The following TTLL11 variants were observed in gnomAD, a reference collection of about 807,000 sequenced individuals.
TTLL11 encodes tubulin tyrosine ligase like 11, also known as tubulin polyglutamylase TTLL11.
A neutral mutation model predicts 51.7 loss-of-function variants in TTLL11; 42 were observed. The ratio of observed to expected loss-of-function variants is 0.81; its 90% CI spans 0.64 to 1.05. The LOEUF (loss-of-function observed/expected upper bound fraction) is 1.05. Among genes scored for constraint, TTLL11 ranks in the 50% least tolerant of loss-of-function variants. The pLI is 0.00. For synonymous variants in TTLL11, 381 were observed against 383.5 expected (o/e 0.99, Z 0.08); for missense variants, 799 against 940.4 (o/e 0.85, Z 1.97).
chr9:122,030,776 C>CAAAAAAAAAAAAAAAAAA lies in TTLL11; in HGVS notation c.693+929_693+946dup, dbSNP rs35456581. Among the ~76,000 whole-genome samples, 45 of 69,124 alleles carry CAAAAAAAAAAAAAAAAAA rather than the reference C, an allele frequency of 6.5e-4. 1 individual carries two copies. Among genetic ancestry groups the CAAAAAAAAAAAAAAAAAA allele is most frequent in the Non-Finnish European group, 8.8e-4 (31 of 35,194 alleles). The allele number at this position is 69,124 out of a possible 152,430, so 45.3% of individuals were successfully genotyped here. A position where few individuals can be genotyped will look rare whatever the true frequency, so the allele number is the denominator to read the frequency against. Reference sequence around the variant, plus strand: ...ATCTCTACCAAAAATACAAAAAATACAAAAAAAAAAAAAAAAAAAGCCGGT... The same window carrying CAAAAAAAAAAAAAAAAAA: ...ATCTCTACCAAAAATACAAAAAATACAAAAAAAAAAAAAAAAAAAAAAAAAAAAAAAAAAAAAGCCGGT... On this transcript the variant is annotated intron_variant, in intron 3 of 8. Coordinates refer to ENST00000321582, the MANE Select transcript of TTLL11 (RefSeq NM_001139442.2).
At chr9:122,084,178 A>T (rs1846065129) in intron 1 of TTLL11, among the ~76,000 whole-genome samples, 1 of 152,096 alleles carries the variant, frequency 6.6e-6, no homozygotes, top group Non-Finnish European at 1.5e-5. Flanking sequence ...AACTTATTTG[A>T]AAAGCAAAAC....
At chr9:121,965,630 A>G (rs531504316) in intron 6 of TTLL11, among the ~76,000 whole-genome samples, 2 of 152,320 alleles carry the variant, frequency 1.3e-5, no homozygotes, top group Non-Finnish European at 2.9e-5. Flanking sequence ...CAGTGCACAC[A>G]TGAATGGGCC....
At chr9:121,882,892 G>T (rs572049150) in intron 6 of TTLL11, among the ~76,000 whole-genome samples, 29 of 152,262 alleles carry the variant, frequency 1.9e-4, no homozygotes, top group African/African-American at 6.3e-4. Flanking sequence ...ATTTAAGTTT[G>T]TGGCTTCTTT....
chr9:121,912,696 T>G (rs1168448623), intron 6 of TTLL11, among the ~76,000 whole-genome samples: 1 of 152,056 alleles, frequency 6.6e-6, no homozygotes, highest in African/African-American at 2.4e-5. Flanking sequence ...AGATCCTCAG[T>G]GGCTAGTCCA....
chr9:121,933,900 C>T (rs1841091935), intron 6 of TTLL11, among the ~76,000 whole-genome samples: 1 of 152,126 alleles, frequency 6.6e-6, no homozygotes, highest in Non-Finnish European at 1.5e-5. Context: ...AAGCTGAAAC[C>T]ATGTCAATAA....
intron 6 of TTLL11, among the ~76,000 whole-genome samples, chr9:121,878,287 G>T (rs1189497042): frequency 2.6e-5 from 4 of 152,154 alleles, no homozygotes; most frequent in African/African-American, 9.7e-5. Flanking sequence ...AATCTGCTTG[G>T]GGGGCTTGTA....
chr9:121,859,970 C>T (rs1837954303), intron 8 of TTLL11, among the ~76,000 whole-genome samples: 2 of 152,204 alleles, frequency 1.3e-5, no homozygotes, highest in Admixed American at 1.3e-4. Context: ...ATCTGCCTCC[C>T]AATGCTACAG....
At chr9:122,058,483 G>A (rs1845354583) in intron 1 of TTLL11, among the ~76,000 whole-genome samples, 1 of 152,230 alleles carries the variant, frequency 6.6e-6, no homozygotes, top group South Asian at 2.1e-4. Flanking sequence ...CACCACAGGG[G>A]AAAGGAAATA....
chr9:122,074,903 A>G (rs978543449), intron 1 of TTLL11, among the ~76,000 whole-genome samples: 1 of 151,692 alleles, frequency 6.6e-6, no homozygotes, highest in African/African-American at 2.4e-5. Flanking sequence ...AAAAAAAAAG[A>G]CCTTGTTGAT....
chr9:121,923,549 T>C (rs1320631061), intron 6 of TTLL11, among the ~76,000 whole-genome samples: 1 of 152,232 alleles, frequency 6.6e-6, no homozygotes, highest in Non-Finnish European at 1.5e-5. Context: ...TCAGTGCTTA[T>C]GAAGACAACC....
At position 121,853,483 on chromosome 9, in the gene TTLL11, G is replaced by A. The variant is rs948930452; in HGVS notation, c.1840+6854C>T. Among the ~76,000 whole-genome samples, 1 of 151,816 alleles carries A rather than the reference G, an allele frequency of 6.6e-6. No homozygotes were observed. Among genetic ancestry groups the A allele is most frequent in the South Asian group, 2.1e-4 (1 of 4,810 alleles). On this transcript the variant is annotated intron_variant, in intron 8 of 8. Transcript: ENST00000321582. This position sits in a 1 kb window ranked among gnomAD's most constrained non-coding sequence, Gnocchi z 5.6. Reference sequence around the variant, plus strand: ...TCCTGCAGAGGTGGGGGCCTGAGGGGGCCGGCCATTCTGGCTGGAGTGAGT... The same window carrying A: ...TCCTGCAGAGGTGGGGGCCTGAGGGAGCCGGCCATTCTGGCTGGAGTGAGT...
At chr9:122,040,507 G>A in intron 1 of TTLL11, 1 of 712,634 alleles carries the variant, frequency 1.4e-6, no homozygotes, top group Non-Finnish European at 1.7e-6. Flanking sequence ...GAGAGGCCAT[G>A]TTAGTTCATA....
At chr9:122,084,301 G>A (rs1019958880) in intron 1 of TTLL11, among the ~76,000 whole-genome samples, 4 of 152,084 alleles carry the variant, frequency 2.6e-5, no homozygotes, top group Admixed American at 6.6e-5. Context: ...GAAGGAAGCC[G>A]CCAGAAATGC....
chr9:121,862,073 G>A (rs1295337331), intron 7 of TTLL11, among the ~76,000 whole-genome samples: 1 of 152,146 alleles, frequency 6.6e-6, no homozygotes, highest in African/African-American at 2.4e-5. Flanking sequence ...TTGTTTAGGT[G>A]CAGGGAGGCC....
At chr9:122,027,865 A>G (rs535517543) in intron 3 of TTLL11, among the ~76,000 whole-genome samples, 25 of 152,230 alleles carry the variant, frequency 1.6e-4, no homozygotes, top group Non-Finnish European at 3.2e-4. Context: ...AGTATAAAAG[A>G]CAAATGTACT....
intron 1 of TTLL11, among the ~76,000 whole-genome samples, chr9:122,079,583 C>T (rs1013525115): frequency 2.0e-5 from 3 of 151,974 alleles, no homozygotes; most frequent in African/African-American, 4.8e-5. Flanking sequence ...GTGGCGGGCG[C>T]CTATGGTCCC....
chr9:122,072,150 G>A (rs1845747123), intron 1 of TTLL11, among the ~76,000 whole-genome samples: 1 of 152,188 alleles, frequency 6.6e-6, no homozygotes, highest in Non-Finnish European at 1.5e-5. Context: ...GAAGCAGAAG[G>A]ATCACTTGAG....
intron 8 of TTLL11, among the ~76,000 whole-genome samples, chr9:121,847,280 T>C (rs1344872809): frequency 1.4e-5 from 2 of 143,366 alleles, no homozygotes; most frequent in African/African-American, 5.2e-5. Context: ...ATAGAGAAAA[T>C]CTATAAAACC....
intron 1 of TTLL11, among the ~76,000 whole-genome samples, chr9:122,042,872 T>G (rs80262056): frequency 0.018 from 2,728 of 152,252 alleles, 137 homozygotes; most frequent in Admixed American, 0.11. Flanking sequence ...CCAACTAAAC[T>G]ACATTCTGGA....
Sources: gnomAD v4.1 joint callset for allele counts (sites outside exome capture counted in the v4.1 genomes callset) on GRCh38, gnomAD v4.1.1 for gene constraint, Gnocchi (gnomAD v3.1) non-coding constraint, MANE v1.5 for transcripts, NCBI Gene and HGNC (gene_info 2026-07-23, HGNC 2026-07-21) for gene names.